CTNND2: variants seen among roughly 807,000 people sequenced by gnomAD.
The protein encoded by CTNND2 is catenin delta 2, also known as catenin delta-2.
Under a neutral mutation model 144.4 loss-of-function variants are expected in CTNND2, and 22 were observed. That is an observed-to-expected ratio of 0.15 (90% CI 0.11 to 0.22). The LOEUF (loss-of-function observed/expected upper bound fraction) is 0.22, where lower values mean the gene tolerates loss of function less well. Ranked by LOEUF, CTNND2 falls within the 10% of genes least tolerant of loss-of-function variation. The pLI is 1.00. For synonymous variants in CTNND2, 751 were observed against 695.6 expected, an observed-to-expected ratio of 1.08 and a Z score of -1.25; for missense variants, 1,353 against 1,618.8, an observed-to-expected ratio of 0.84 and a Z score of 2.82.
chr5:11,892,854 C>A (rs1162858416), intron 1 of CTNND2, among the ~76,000 whole-genome samples: 1 of 152,140 alleles, frequency 6.6e-6, no homozygotes, highest in Non-Finnish European at 1.5e-5. Context: ...ACTACTGGTC[C>A]AAAAATCTGT....
chr5:11,879,380 T>G (rs1032443194), intron 1 of CTNND2, among the ~76,000 whole-genome samples: 2 of 140,640 alleles, frequency 1.4e-5, no homozygotes, highest in African/African-American at 5.2e-5. Context: ...CACACAAACA[T>G]ATACATACAT....
intron 2 of CTNND2, among the ~76,000 whole-genome samples, chr5:11,721,117 G>A (rs1420630065): frequency 1.3e-5 from 2 of 152,120 alleles, no homozygotes; most frequent in Non-Finnish European, 2.9e-5. Context: ...TCCATACAGT[G>A]GAATATTATT....
At chr5:11,213,791 A>G (rs1482636072) in intron 10 of CTNND2, among the ~76,000 whole-genome samples, 1 of 151,738 alleles carries the variant, frequency 6.6e-6, no homozygotes, top group African/African-American at 2.4e-5. Context: ...CTGCTATGTT[A>G]CACGCATGCC....
At chr5:11,481,664 A>G (rs1768279571) in intron 3 of CTNND2, among the ~76,000 whole-genome samples, 1 of 152,138 alleles carries the variant, frequency 6.6e-6, no homozygotes, top group South Asian at 2.1e-4. Flanking sequence ...AGACAGACAG[A>G]CAGAAAGAGA....
intron 9 of CTNND2, among the ~76,000 whole-genome samples, chr5:11,335,243 C>A (rs1352076029): frequency 6.6e-6 from 1 of 152,202 alleles, no homozygotes; most frequent in Admixed American, 6.5e-5. Context: ...AAATGCTAAT[C>A]TTCTCCTTAT....
chr5:11,627,954 T>C (rs1781239791), intron 2 of CTNND2, among the ~76,000 whole-genome samples: 1 of 151,898 alleles, frequency 6.6e-6, no homozygotes, highest in Admixed American at 6.6e-5. Context: ...AAGAATCCCT[T>C]GCTGCAGCTC....
intron 1 of CTNND2, among the ~76,000 whole-genome samples, chr5:11,804,412 T>C (rs1009586427): frequency 1.3e-5 from 2 of 152,214 alleles, no homozygotes; most frequent in African/African-American, 2.4e-5. Context: ...TGAATGTTTA[T>C]AGTAGTTTTA....
At chr5:11,214,498 C>T (rs187895665) in intron 10 of CTNND2, among the ~76,000 whole-genome samples, 5 of 152,296 alleles carry the variant, frequency 3.3e-5, no homozygotes, top group Non-Finnish European at 7.4e-5. Context: ...GGACTAATAA[C>T]GAAGCAGGGC....
At chr5:11,198,821 G>A (rs1007339040) in intron 11 of CTNND2, among the ~76,000 whole-genome samples, 2 of 152,164 alleles carry the variant, frequency 1.3e-5, no homozygotes, top group Non-Finnish European at 2.9e-5. Flanking sequence ...AACACGGACT[G>A]TGTTTACATG....
At chr5:11,611,975 A>T (rs1187042325) in intron 2 of CTNND2, among the ~76,000 whole-genome samples, 1 of 152,210 alleles carries the variant, frequency 6.6e-6, no homozygotes, top group Non-Finnish European at 1.5e-5. Flanking sequence ...TCCTAATACA[A>T]ATAAGTGATC....
At chr5:11,674,830 A>G (rs1784087703) in intron 2 of CTNND2, among the ~76,000 whole-genome samples, 1 of 152,064 alleles carries the variant, frequency 6.6e-6, no homozygotes, top group Non-Finnish European at 1.5e-5. Flanking sequence ...GGTTCAAGCA[A>G]TTCTCCTGCC....
At chr5:11,397,376 GATTTTTT>G (rs1004501068) in intron 5 of CTNND2, among the ~76,000 whole-genome samples, 173 bp from the exon 6 acceptor site, 44 of 141,436 alleles carry the variant, frequency 3.1e-4, no homozygotes, top group Admixed American at 2.3e-3. Context: ...TCTCAGATGA[GATTTTTT>G]ATTTTTTATT....
intron 5 of CTNND2, among the ~76,000 whole-genome samples, chr5:11,410,193 G>C (rs1026941089): frequency 6.6e-5 from 10 of 152,200 alleles, no homozygotes; most frequent in African/African-American, 2.2e-4. Context: ...AGTAAAAGAG[G>C]TAACGATTAG....
chr5:11,827,234 T>C (rs765542990), intron 1 of CTNND2, among the ~76,000 whole-genome samples: 3 of 152,154 alleles, frequency 2.0e-5, no homozygotes, highest in Admixed American at 6.6e-5. Context: ...TCATGGGATG[T>C]CAAAGAAGAA....
At chr5:11,546,658 A>G (rs1483055920) in intron 3 of CTNND2, among the ~76,000 whole-genome samples, 6 of 152,200 alleles carry the variant, frequency 3.9e-5, no homozygotes, top group Non-Finnish European at 7.3e-5. Flanking sequence ...GAGCCTAGCA[A>G]TGAGAATGAA....
At chr5:11,018,285 C>G (rs919439114) in intron 17 of CTNND2, among the ~76,000 whole-genome samples, 1 of 152,174 alleles carries the variant, frequency 6.6e-6, no homozygotes, top group Non-Finnish European at 1.5e-5. Context: ...GACTGCTCCA[C>G]AGACTGGCCC....
chr5:11,673,001 T>A (rs1783983749), intron 2 of CTNND2, among the ~76,000 whole-genome samples: 1 of 152,166 alleles, frequency 6.6e-6, no homozygotes, highest in African/African-American at 2.4e-5. Context: ...ATCACCCACC[T>A]TTTGCATCGA....
intron 9 of CTNND2, among the ~76,000 whole-genome samples, chr5:11,258,115 G>A (rs1032574510): frequency 1.3e-5 from 2 of 152,174 alleles, no homozygotes; most frequent in African/African-American, 4.8e-5. Flanking sequence ...GTGTTGGCAG[G>A]AAGCGAGACT....
intron 10 of CTNND2, among the ~76,000 whole-genome samples, chr5:11,209,757 C>A (rs967926662): frequency 1.5e-4 from 23 of 151,996 alleles, no homozygotes; most frequent in Non-Finnish European, 2.5e-4. Context: ...CCCGTCTCTA[C>A]TAAAAATACA....
Sources: gnomAD v4.1 joint callset for allele counts (sites outside exome capture counted in the v4.1 genomes callset) on GRCh38, gnomAD v4.1.1 for gene constraint, MANE v1.5 for transcripts, NCBI Gene and HGNC (gene_info 2026-07-23, HGNC 2026-07-21) for gene names.